Variants in FXN observed in about 807,000 individuals in gnomAD.
FXN encodes the protein frataxin, mitochondrial.
Under a neutral mutation model 22.4 loss-of-function variants are expected in FXN, and 14 were observed. The observed-to-expected ratio is 0.62, with a 90% CI of 0.41 to 0.98. The LOEUF is 0.98. Ranked by LOEUF, FXN falls within the 50% of genes least tolerant of loss-of-function variation. The pLI, the probability that FXN is intolerant of heterozygous loss-of-function variation, is 0.00. For synonymous variants in FXN, 120 were observed against 114.1 expected (o/e 1.05, Z -0.33); for missense variants, 267 against 268.4 (o/e 0.99, Z 0.04).
At chr9:69,046,606 C>T in intron 2 of FXN, 124 bp downstream of exon 2, 1 of 716,888 alleles carries the variant, frequency 1.4e-6, no homozygotes, top group Non-Finnish European at 2.5e-6. Flanking sequence ...GACTGAGTAT[C>T]CACCACATTA....
intron 2 of FXN, among the ~76,000 whole-genome samples, chr9:69,051,342 A>G (rs889573955): frequency 6.6e-6 from 1 of 151,420 alleles, no homozygotes; most frequent in Non-Finnish European, 1.5e-5. Context: ...TTGGCCTCCC[A>G]AAGTTCTGGT....
chr9:69,072,636 T>G lies in FXN; in HGVS notation c.507T>G (p.Thr169=). 1 of 1,614,194 alleles carries G rather than the reference T, an allele frequency of 6.2e-7. No individual in the cohort carries two copies. The highest frequency in any genetic ancestry group is 8.5e-7 in the Non-Finnish European group (1 of 1,180,038). ...GTGGACCTAAGCGTTATGACTGGAC[T>G]GGGAAAAACTGGGTGTACTCCCACG... The part of the protein sequence containing the change: ...PSSGPKRYDW[T]GKNWVYSHDG... Residue 169 remains threonine (T), a synonymous_variant, in exon 5 of 5, where the codon ACT becomes ACG. Transcript: ENST00000484259.
intron 1 of FXN, among the ~76,000 whole-genome samples, chr9:69,046,119 C>T (rs1473000972): frequency 6.6e-6 from 1 of 152,036 alleles, no homozygotes; most frequent in African/African-American, 2.4e-5. Context: ...GAAAAGCTTG[C>T]CCTGAAGGGA....
chr9:69,074,532 AAG>A lies in FXN; in HGVS notation c.*1771_*1772del, dbSNP rs139068140. ...GAGACTCCGTCTCAAAAAAAAAAAA[AAG>A]GAGGGTTTATTAATGAGAAGTTTGT... On this transcript the variant is annotated 3_prime_UTR_variant, in exon 5 of 5. Transcript: ENST00000484259. 0.37 allele frequency: 332,833 copies of A among 895,320 alleles called. 25,835 individuals are homozygous for A. Among genetic ancestry groups the A allele is most frequent in the East Asian group, 0.56 (4,608 of 8,164 alleles). 55.5% of individuals were successfully genotyped at this position (895,320 alleles called of 1,614,324 possible).
chr9:69,062,522 GC>G (rs1185623641), intron 3 of FXN, among the ~76,000 whole-genome samples: 2 of 152,018 alleles, frequency 1.3e-5, no homozygotes, highest in Non-Finnish European at 2.9e-5. Flanking sequence ...TATAATCCCA[GC>G]CCTTTTAAAA....
rs1831671582 is a variant in FXN, at chr9:69,042,266, C to T, written c.166-4119C>T. Among the ~76,000 whole-genome samples, 4 of 151,016 alleles carry T rather than the reference C, an allele frequency of 2.6e-5. No individual in the cohort carries two copies. The South Asian group carries it at 8.3e-4, about 32-fold the overall frequency. ...AAAAAAAAAAAAAAGGAAGAACACTCATCCTATGACCTTGACCTCCAAGCT... is the reference window on the plus strand; with the variant it reads ...AAAAAAAAAAAAAAGGAAGAACACTTATCCTATGACCTTGACCTCCAAGCT... On this transcript the variant is annotated intron_variant, in intron 1 of 4. Transcript: ENST00000484259.
At chr9:69,043,247 T>G (rs1012712623) in intron 1 of FXN, among the ~76,000 whole-genome samples, 1 of 152,222 alleles carries the variant, frequency 6.6e-6, no homozygotes, top group African/African-American at 2.4e-5. Context: ...TGCCATGTTT[T>G]TCAGATTTTT....
At chr9:69,067,454 A>G (rs1832189497) in intron 4 of FXN, among the ~76,000 whole-genome samples, 1 of 152,184 alleles carries the variant, frequency 6.6e-6, no homozygotes, top group Non-Finnish European at 1.5e-5. Flanking sequence ...TGTCTGGAGA[A>G]ACCCCTGTAG....
chr9:69,077,543 G>T lies in FXN; in HGVS notation c.*4781G>T, dbSNP rs536762274. 1.6e-5 allele frequency: 16 copies of T among 985,436 alleles called. No homozygotes were observed. In the South Asian group the frequency reaches 5.6e-4, roughly 35 times the overall value. 61.0% of individuals were successfully genotyped at this position (985,436 alleles called of 1,614,324 possible). A position where few individuals can be genotyped will look rare whatever the true frequency, so the allele number is the denominator to read the frequency against. On this transcript the variant is annotated 3_prime_UTR_variant, in exon 5 of 5. Coordinates refer to ENST00000484259, the MANE Select transcript of FXN (RefSeq NM_000144.5). Reference sequence around the variant, plus strand: ...AGTCAGACCTCTGAGGCCCCATCCAGGTAGAAGTACTAGTGCAAGAAGGGC... The same window carrying T: ...AGTCAGACCTCTGAGGCCCCATCCATGTAGAAGTACTAGTGCAAGAAGGGC...
At chr9:69,066,369 G>A (rs568114524) in intron 4 of FXN, among the ~76,000 whole-genome samples, 1 of 152,220 alleles carries the variant, frequency 6.6e-6, no homozygotes, top group Non-Finnish European at 1.5e-5. Context: ...CTAATGCTTT[G>A]TTCAGAATAA....
At position 69,073,451 on chromosome 9, in the gene FXN, T is replaced by C; in HGVS notation, c.*689T>C. ...TAAAGGTTAGTATGGAATCAGCTGC[T>C]ACAAGAATGCAAAAAATCTTCCAAA... is the stretch of plus-strand genomic sequence containing the variant. On this transcript the variant is annotated 3_prime_UTR_variant, in exon 5 of 5. Coordinates refer to ENST00000484259, the MANE Select transcript of FXN (RefSeq NM_000144.5). 2.0e-6 allele frequency: 2 copies of C among 985,296 alleles called. No individual in the cohort carries two copies. Among genetic ancestry groups the C allele is most frequent in the Non-Finnish European group, 2.4e-6 (2 of 829,936 alleles). The allele number at this position is 985,296 out of a possible 1,614,324, so 61.0% of individuals were successfully genotyped here. A position where few individuals can be genotyped will look rare whatever the true frequency, so the allele number is the denominator to read the frequency against.
chr9:69,055,693 C>T (rs1831946756), intron 3 of FXN, among the ~76,000 whole-genome samples: 1 of 151,654 alleles, frequency 6.6e-6, no homozygotes, highest in Admixed American at 6.6e-5. Context: ...GGGGTTTCAC[C>T]ATGTTGGCCA....
chr9:69,053,066 A>G, intron 2 of FXN, 74 bp from the exon 3 acceptor site: 3 of 1,437,894 alleles, frequency 2.1e-6, no homozygotes, highest in East Asian at 2.5e-5. Context: ...TTTAAATAAC[A>G]AATGTATAAA....
At chr9:69,058,144 T>G (rs1321558952) in intron 3 of FXN, among the ~76,000 whole-genome samples, 1 of 152,216 alleles carries the variant, frequency 6.6e-6, no homozygotes, top group Admixed American at 6.5e-5. Context: ...TTTCTCTCTG[T>G]GGAGTGGGAG....
chr9:69,063,369 CCT>C (rs1482381098), intron 3 of FXN, among the ~76,000 whole-genome samples: 1 of 152,082 alleles, frequency 6.6e-6, no homozygotes, highest in Non-Finnish European at 1.5e-5. Context: ...TTACTATGAA[CCT>C]CTGTTTTCCT....
chr9:69,070,244 AAAG>A (rs1313485796), intron 4 of FXN, among the ~76,000 whole-genome samples: 1 of 151,688 alleles, frequency 6.6e-6, no homozygotes, highest in African/African-American at 2.4e-5. Context: ...AAAAAAAAAG[AAAG>A]AAAACGGCCC....
intron 2 of FXN, among the ~76,000 whole-genome samples, chr9:69,050,814 C>T (rs1418730239): frequency 4.8e-5 from 7 of 145,552 alleles, no homozygotes; most frequent in African/African-American, 1.5e-4. Context: ...GAGTTTTGCT[C>T]TTGTTGCCCA....
Position 69,035,991 on chromosome 9 carries a change from G to T in FXN, c.165+44G>T, listed in dbSNP as rs1003234506. On this transcript the variant is annotated intron_variant, in intron 1 of 4. Coordinates refer to ENST00000484259, the MANE Select transcript of FXN (RefSeq NM_000144.5). Reference sequence around the variant, plus strand: ...AACAGCCGCGGGCCGCACGCCGCGGGCCGCACGCCGCACGCCTGCGCAGGG... The same window carrying T: ...AACAGCCGCGGGCCGCACGCCGCGGTCCGCACGCCGCACGCCTGCGCAGGG... The T allele has an allele frequency of 3.1e-6, 4 of 1,308,508 alleles. No individual in the cohort carries two copies. In the Admixed American group the frequency reaches 1.6e-4, roughly 51 times the overall value. The allele number at this position is 1,308,508 out of a possible 1,614,324, so 81.1% of individuals were successfully genotyped here. A position where few individuals can be genotyped will look rare whatever the true frequency, so the allele number is the denominator to read the frequency against.
chr9:69,036,453 G>A lies in FXN; in HGVS notation c.165+506G>A, dbSNP rs143794745. Among the ~76,000 whole-genome samples the A allele has an allele frequency of 8.2e-4, 125 of 152,324 alleles. 2 individuals carry two copies. In the East Asian group the frequency reaches 0.019, roughly 23 times the overall value. ...TTTTCAAGGCTGGATTTTTTTGAAC[G>A]AAATGCTTTCCTGGAACGAGGTGAA... On this transcript the variant is annotated intron_variant, in intron 1 of 4. Coordinates refer to ENST00000484259, the MANE Select transcript of FXN (RefSeq NM_000144.5).
Sources: allele counts gnomAD v4.1 joint callset (sites outside exome capture counted in the v4.1 genomes callset), GRCh38; gene constraint gnomAD v4.1.1; transcripts MANE v1.5; gene names NCBI Gene and HGNC (gene_info 2026-07-23, HGNC 2026-07-21).